The following AUNIP variants were observed in gnomAD, a reference collection of about 807,000 sequenced individuals.
AUNIP encodes the protein aurora kinase A- and ninein-interacting protein.
AUNIP carries 16 observed loss-of-function variants against 12.2 expected under a neutral mutation model. The observed-to-expected ratio is 1.31, with a 90% CI of 0.88 to 1.99. The LOEUF (loss-of-function observed/expected upper bound fraction) is 1.99. Among genes scored for constraint, AUNIP ranks in the 30% most tolerant of loss-of-function variants. The pLI is 0.00. For missense variants in AUNIP, 411 were observed against 419.1 expected (o/e 0.98, Z 0.17); for synonymous variants, 142 against 154.8 (o/e 0.92, Z 0.61).
Position 25,835,467 on chromosome 1 carries a change from C to T in AUNIP, c.600G>A (p.Trp200Ter). 6.2e-7 allele frequency: 1 copy of T among 1,614,246 alleles called. No homozygotes were observed. Among genetic ancestry groups the T allele is most frequent in the Non-Finnish European group, 8.5e-7 (1 of 1,180,056 alleles). The part of the protein sequence containing the change: ...EKGDSARKWE[W>*]LHESKKNYQS... ...GATAGTTCTTCTTAGACTCATGAAG[C>T]CATTCCCATTTCCTGGCAGAATCCC... The change falls in exon 3 of 3, where the codon TGG becomes TGA. Residue 200 changes from tryptophan (W) to a stop codon, truncating the protein, a stop_gained. Transcript: ENST00000374298. LOFTEE classifies it low-confidence loss of function (END_TRUNC).
chr1:25,856,638 G>A (rs1412843511), intron 1 of AUNIP, among the ~76,000 whole-genome samples: 1 of 151,840 alleles, frequency 6.6e-6, no homozygotes, highest in Non-Finnish European at 1.5e-5. Context: ...TCGCACCACT[G>A]CACTCCAGCC....
At chr1:25,838,953 T>G (rs1380605975) in intron 1 of AUNIP, among the ~76,000 whole-genome samples, 1 of 152,164 alleles carries the variant, frequency 6.6e-6, no homozygotes, top group Non-Finnish European at 1.5e-5. Flanking sequence ...CATTTTTACA[T>G]TTGGAAACTA....
chr1:25,832,466 T>C, downstream of AUNIP: 1 of 388,890 alleles, frequency 2.6e-6, no homozygotes, highest in Non-Finnish European at 4.9e-6. Context: ...TGAATGTTTG[T>C]ATACATGTTC....
rs1302696004 is a variant in AUNIP, at chr1:25,859,347, G to A, written c.11C>T (p.Thr4Ile). The change falls in exon 1 of 3, where the codon ACA (threonine) becomes ATA (isoleucine). Residue 4 changes from threonine (T) to isoleucine (I), a missense_variant. Thr to Ile is a moderately conservative substitution (Grantham distance 89). Transcript: ENST00000374298. ...GCCGCAGGCCTCCTCCTCGGGGCCT[G>A]TCCGCCTCATGGCCGCTGAGGAGAC... is the stretch of plus-strand genomic sequence containing the variant. MRR[T>I]GPEEEACGVW... 4.5e-6 allele frequency: 7 copies of A among 1,545,920 alleles called. No individual in the cohort carries two copies. Among genetic ancestry groups the A allele is most frequent in the Non-Finnish European group, 6.1e-6 (7 of 1,148,640 alleles).
intron 1 of AUNIP, among the ~76,000 whole-genome samples, chr1:25,843,621 AAAG>A (rs1259600227): frequency 0.011 from 1,555 of 146,670 alleles, 89 homozygotes; most frequent in African/African-American, 0.04. Flanking sequence ...AAAAAAAAAA[AAAG>A]GGATTCATGA....
chr1:25,847,266 T>G lies in AUNIP; in HGVS notation c.79-9712A>C, dbSNP rs4659387. Among the ~76,000 whole-genome samples, 32,513 of 151,816 alleles carry G rather than the reference T, an allele frequency of 0.21. 3,723 individuals carry two copies. The highest frequency in any genetic ancestry group is 0.26 in the African/African-American group (10,958 of 41,378). On this transcript the variant is annotated intron_variant, in intron 1 of 2. Coordinates refer to ENST00000374298, the MANE Select transcript of AUNIP (RefSeq NM_024037.3). This position sits in a 1 kb window ranked among gnomAD's most constrained non-coding sequence, Gnocchi z 4.2. The stretch of plus-strand genomic sequence containing the variant: ...TTAAAAAACAGTTGTGTTTTTTTTG[T>G]TTTGTTTTTTTTTGAGACGGAGTCT...
In AUNIP at chr1:25,835,797, A is replaced by C. The variant is rs1244209968; in HGVS notation, c.270T>G (p.Ser90Arg). Residue 90 changes from serine to arginine, a missense_variant, in exon 3 of 3, where the codon AGT becomes AGG. Physicochemically the swap from Ser to Arg is moderately radical, Grantham distance 110. Coordinates refer to ENST00000374298, the MANE Select transcript of AUNIP (RefSeq NM_024037.3). ...DQKSVSSHTE[S>R]QINKESKKNA... Reference sequence around the variant, plus strand: ...TTTTCTTGGACTCTTTGTTGATCTGACTTTCTGTATGAGATGAAACACTCT... The same window carrying C: ...TTTTCTTGGACTCTTTGTTGATCTGCCTTTCTGTATGAGATGAAACACTCT... 6.2e-7 allele frequency: 1 copy of C among 1,614,144 alleles called. No homozygotes were observed. The highest frequency in any genetic ancestry group is 8.5e-7 in the Non-Finnish European group (1 of 1,180,016).
At position 25,834,023 on chromosome 1, in the gene AUNIP, T is replaced by C. The variant is rs912362380; in HGVS notation, c.*970A>G. ...ACAAGAGCCACTTTGTAAACATTTA[T>C]TTGGATTCATAGTTTTACAAAGGGG... On this transcript the variant is annotated 3_prime_UTR_variant, in exon 3 of 3. Coordinates refer to ENST00000374298, the MANE Select transcript of AUNIP (RefSeq NM_024037.3). 45 of 984,532 alleles carry C rather than the reference T, an allele frequency of 4.6e-5. No homozygotes were observed. In the African/African-American group the frequency reaches 7.7e-4, roughly 17 times the overall value. The allele number at this position is 984,532 out of a possible 1,614,324, so 61.0% of individuals were successfully genotyped here.
intron 1 of AUNIP, among the ~76,000 whole-genome samples, chr1:25,854,993 A>G (rs1293393439): frequency 2.4e-5 from 3 of 124,508 alleles, no homozygotes; most frequent in Non-Finnish European, 1.6e-5. Context: ...GTCTCACTCT[A>G]TCACCCAGTC....
At chr1:25,851,885 C>T (rs2048426050) in intron 1 of AUNIP, among the ~76,000 whole-genome samples, 1 of 152,094 alleles carries the variant, frequency 6.6e-6, no homozygotes. Context: ...CAGGCACACA[C>T]CAACATAACT....
chr1:25,847,596 C>A lies in AUNIP; in HGVS notation c.79-10042G>T, dbSNP rs1322791433. 6.6e-6 allele frequency among the ~76,000 whole-genome samples: 1 copy of A among 152,090 alleles called. No individual in the cohort carries two copies. The highest frequency in any genetic ancestry group is 6.6e-5 in the Admixed American group (1 of 15,258). ...AACATTTAAGCAATCCCCTACTAAG[C>A]CTATTTAGGTCCTTCTTGAGCGTAC... On this transcript the variant is annotated intron_variant, in intron 1 of 2. Transcript: ENST00000374298. This position sits in a 1 kb window ranked among gnomAD's most constrained non-coding sequence, Gnocchi z 4.2.
At chr1:25,833,675 G>A (rs539168166), downstream of AUNIP, among the ~76,000 whole-genome samples, 24 of 151,780 alleles carry the variant, frequency 1.6e-4, no homozygotes, top group South Asian at 6.2e-4. Context: ...AATCACTTGC[G>A]CCCAGGAGGT....
At chr1:25,842,213 C>T (rs1327342476) in intron 1 of AUNIP, among the ~76,000 whole-genome samples, 1 of 152,194 alleles carries the variant, frequency 6.6e-6, no homozygotes, top group Non-Finnish European at 1.5e-5. Flanking sequence ...CCAGTGAAAA[C>T]ACAAATAAGA....
At chr1:25,841,643 C>G (rs1445531902) in intron 1 of AUNIP, among the ~76,000 whole-genome samples, 1 of 152,096 alleles carries the variant, frequency 6.6e-6, no homozygotes, top group African/African-American at 2.4e-5. Flanking sequence ...CCTGCCTCAG[C>G]CTCCCGAGTA....
intron 1 of AUNIP, among the ~76,000 whole-genome samples, chr1:25,853,315 C>A (rs150392255): frequency 6.6e-6 from 1 of 152,096 alleles, no homozygotes; most frequent in Non-Finnish European, 1.5e-5. Context: ...AATAAACATT[C>A]GGCCGGCGTG....
chr1:25,847,319 TAGC>T lies in AUNIP; in HGVS notation c.79-9768_79-9766del, dbSNP rs374740391. On this transcript the variant is annotated intron_variant, in intron 1 of 2. Transcript: ENST00000374298. The surrounding 1 kb of genome is among the most constrained non-coding windows in gnomAD (Gnocchi z 4.2). ...CTCTGTCACCGAGGCTGGACTGCAG[TAGC>T]GCGATATTGGCTCACCACAACCTCT... Among the ~76,000 whole-genome samples, 94 of 152,246 alleles carry T rather than the reference TAGC, an allele frequency of 6.2e-4. No homozygotes were observed. In the South Asian group the frequency reaches 0.019, roughly 31 times the overall value.
chr1:25,843,185 A>AAT lies in AUNIP; in HGVS notation c.79-5633_79-5632dup, dbSNP rs1342427424. Among the ~76,000 whole-genome samples the AAT allele has an allele frequency of 3.7e-3, 467 of 124,926 alleles. 11 individuals are homozygous for AAT. In the South Asian group the frequency reaches 0.059, roughly 16 times the overall value. The allele number at this position is 124,926 out of a possible 152,430, so 82.0% of individuals were successfully genotyped here. Reference sequence around the variant, plus strand: ...GAGACCCCATCTCAAAAAAAAAAAAAATATATATATATATATATTTTACTG... The same window carrying AAT: ...GAGACCCCATCTCAAAAAAAAAAAAAATATATATATATATATATATTTTACTG... On this transcript the variant is annotated intron_variant, in intron 1 of 2. Coordinates refer to ENST00000374298, the MANE Select transcript of AUNIP (RefSeq NM_024037.3).
chr1:25,858,076 A>G (rs1216913636), intron 1 of AUNIP, among the ~76,000 whole-genome samples: 1 of 152,202 alleles, frequency 6.6e-6, no homozygotes, highest in Admixed American at 6.5e-5. Flanking sequence ...CTGAGGCAGG[A>G]GAATGGCGTG....
rs1028734575 is a variant in AUNIP, at chr1:25,859,199, A to C, written c.78+81T>G. ...CCCCGACTTCGCTTTCATCATCTCC[A>C]GGTGTCCCCCAAACTCCTCCCGTCT... On this transcript the variant is annotated intron_variant, in intron 1 of 2. Transcript: ENST00000374298. 17 of 1,412,742 alleles carry C rather than the reference A, an allele frequency of 1.2e-5. No homozygotes were observed. In the African/African-American group the frequency reaches 2.2e-4, roughly 18 times the overall value. The allele number at this position is 1,412,742 out of a possible 1,614,324, so 87.5% of individuals were successfully genotyped here. A position where few individuals can be genotyped will look rare whatever the true frequency, so the allele number is the denominator to read the frequency against.
Sources: gnomAD v4.1 joint callset for allele counts (sites outside exome capture counted in the v4.1 genomes callset) on GRCh38, gnomAD v4.1.1 for gene constraint, Gnocchi (gnomAD v3.1) non-coding constraint, MANE v1.5 for transcripts, NCBI Gene and HGNC (gene_info 2026-07-23, HGNC 2026-07-21) for gene names.